SH3KBP1: variants seen among roughly 807,000 people sequenced by gnomAD.
SH3KBP1 encodes SH3 domain containing kinase binding protein 1.
Under a neutral mutation model 50.1 loss-of-function variants are expected in SH3KBP1, and 8 were observed. That is an observed-to-expected ratio of 0.16 (90% confidence interval 0.09 to 0.29). The LOEUF is 0.29. Ranked by LOEUF, SH3KBP1 falls within the 10% of genes least tolerant of loss-of-function variation. The pLI, the probability that SH3KBP1 is intolerant of heterozygous loss-of-function variation, is 1.00. For missense variants in SH3KBP1, 377 were observed against 535.2 expected (o/e 0.70, Z 2.92); for synonymous variants, 227 against 218.6 (o/e 1.04, Z -0.34).
chrX:19,799,662 G>C, intron 2 of SH3KBP1: 2 of 1,210,067 alleles, frequency 1.7e-6, no homozygotes, highest in Non-Finnish European at 2.2e-6. Context: ...GGCACTTGGG[G>C]CTTTGGCTGC....
chrX:19,776,738 G>A (rs905818865), intron 2 of SH3KBP1, among the ~76,000 whole-genome samples: 11 of 108,283 alleles, frequency 1.0e-4, no homozygotes, highest in Admixed American at 5.0e-4. Flanking sequence ...ATTTTTTGTA[G>A]AGACAAGGTC....
intron 1 of SH3KBP1, among the ~76,000 whole-genome samples, chrX:19,848,980 A>C (rs1489785754): frequency 9.1e-6 from 1 of 110,044 alleles, no homozygotes; most frequent in East Asian, 2.8e-4. Context: ...TTATTTTTTA[A>C]AGTTTTTGTT....
chrX:19,697,672 A>T (rs1382088056), intron 4 of SH3KBP1, among the ~76,000 whole-genome samples: 1 of 112,235 alleles, frequency 8.9e-6, no homozygotes, highest in Non-Finnish European at 1.9e-5. Flanking sequence ...TTGTTACACA[A>T]AGTTGAGCTC....
At chrX:19,763,464 T>C (rs1275132295) in intron 2 of SH3KBP1, among the ~76,000 whole-genome samples, 3 of 112,523 alleles carry the variant, frequency 2.7e-5, no homozygotes, top group African/African-American at 9.7e-5. Context: ...CTTACTCATG[T>C]CTTTTGTCAA....
At chrX:19,615,074 G>A (rs1421830286) in intron 8 of SH3KBP1, among the ~76,000 whole-genome samples, 1 of 112,114 alleles carries the variant, frequency 8.9e-6, no homozygotes, top group East Asian at 2.8e-4. Flanking sequence ...TCATCTATAT[G>A]ATCAGGCTTT....
chrX:19,571,525 C>T (rs1244468278), intron 12 of SH3KBP1, among the ~76,000 whole-genome samples: 4 of 112,110 alleles, frequency 3.6e-5, no homozygotes, highest in African/African-American at 1.3e-4. Context: ...TTGAAGGTAA[C>T]CTGAATGAAA....
At chrX:19,548,825 A>AGAGAGAGAG in intron 14 of SH3KBP1, among the ~76,000 whole-genome samples, 1 of 102,428 alleles carries the variant, frequency 9.8e-6, no homozygotes, top group African/African-American at 3.6e-5. Context: ...TATGGAAATA[A>AGAGAGAGAG]AGAGAGAGAG....
rs1358883952 is a variant in SH3KBP1, at chrX:19,611,485, C to T, written c.898-3440G>A. Among the ~76,000 whole-genome samples the T allele has an allele frequency of 1.7e-4, 19 of 111,916 alleles. 1 individual carries two copies. In the Admixed American group the frequency reaches 1.8e-3, roughly 11 times the overall value. On this transcript the variant is annotated intron_variant, in intron 8 of 17. Coordinates refer to ENST00000397821, the MANE Select transcript of SH3KBP1 (RefSeq NM_031892.3). Reference sequence around the variant, plus strand: ...TCTCCTGCCTCAGCCTCCCAAGTAGCTGGGATTACAGGCATGTACTGCCAC... The same window carrying T: ...TCTCCTGCCTCAGCCTCCCAAGTAGTTGGGATTACAGGCATGTACTGCCAC...
At chrX:19,656,631 C>A (rs2062284896) in intron 6 of SH3KBP1, among the ~76,000 whole-genome samples, 1 of 111,690 alleles carries the variant, frequency 9.0e-6, no homozygotes, top group South Asian at 3.8e-4. Flanking sequence ...GTTAGAGAGT[C>A]AGAGAGACAG....
intron 1 of SH3KBP1, among the ~76,000 whole-genome samples, chrX:19,870,589 G>A (rs761934391): frequency 1.7e-4 from 19 of 111,802 alleles, no homozygotes; most frequent in Non-Finnish European, 7.5e-5. Flanking sequence ...CACGTGATCC[G>A]CTGACCTTGT....
intron 13 of SH3KBP1, among the ~76,000 whole-genome samples, chrX:19,568,007 T>C (rs1018678960): frequency 9.0e-5 from 10 of 111,172 alleles, no homozygotes; most frequent in African/African-American, 2.6e-4. Flanking sequence ...AAGAGAAACA[T>C]TGCATGTTCT....
chrX:19,737,509 A>G (rs2064624258), intron 3 of SH3KBP1, among the ~76,000 whole-genome samples: 1 of 111,894 alleles, frequency 8.9e-6, no homozygotes, highest in African/African-American at 3.3e-5. Context: ...GGGAGAGAAG[A>G]AGGCTCTTCT....
At chrX:19,687,542 A>T (rs961892367) in intron 5 of SH3KBP1, 2 of 811,199 alleles carry the variant, frequency 2.5e-6, no homozygotes, top group African/African-American at 4.0e-5. Context: ...AGCTCAGGAA[A>T]GGGCAGCTGC....
In SH3KBP1 at chrX:19,549,967, CACTT is replaced by C; in HGVS notation, c.1494+3_1494+6del. 8.7e-7 allele frequency: 1 copy of C among 1,144,311 alleles called. No individual in the cohort carries two copies. Among genetic ancestry groups the C allele is most frequent in the Middle Eastern group, 2.4e-4 (1 of 4,128 alleles). 94.3% of individuals were successfully genotyped at this position (1,144,311 alleles called of 1,213,427 possible). Reference sequence around the variant, plus strand: ...TAAGGGAACATACAGTTTGAGGAGACACTTACAGATGTGAGGGACTGGGACGGAG... The same window carrying C: ...TAAGGGAACATACAGTTTGAGGAGACACAGATGTGAGGGACTGGGACGGAG... On this transcript the variant is annotated splice_donor_5th_base_variant and intron_variant, in intron 14 of 17. Coordinates refer to ENST00000397821, the MANE Select transcript of SH3KBP1 (RefSeq NM_031892.3).
intron 16 of SH3KBP1, among the ~76,000 whole-genome samples, chrX:19,539,570 C>T (rs1279147561): frequency 8.9e-6 from 1 of 111,991 alleles, no homozygotes; most frequent in Non-Finnish European, 1.9e-5. Flanking sequence ...TTGGGGAAAG[C>T]AGTCCAAAGA....
Position 19,795,932 on chromosome X carries a change from A to G in SH3KBP1, c.162+40193T>C, listed in dbSNP as rs907813260. Among the ~76,000 whole-genome samples, 3 of 111,870 alleles carry G rather than the reference A, an allele frequency of 2.7e-5. No individual in the cohort carries two copies. The Admixed American group carries it at 2.8e-4, about 11-fold the overall frequency. ...TAGCTTACACCATGTAAACCTCTAT[A>G]TAAACTAAGCATAGTTTACACCTCA... On this transcript the variant is annotated intron_variant, in intron 2 of 17. Coordinates refer to ENST00000397821, the MANE Select transcript of SH3KBP1 (RefSeq NM_031892.3).
In SH3KBP1 at chrX:19,838,899, AAAAAAAAG is replaced by A. The variant is rs1247182298; in HGVS notation, c.5-2625_5-2618del. On this transcript the variant is annotated intron_variant, in intron 1 of 17. Coordinates refer to ENST00000397821, the MANE Select transcript of SH3KBP1 (RefSeq NM_031892.3). Reference sequence around the variant, plus strand: ...GAAACTTTGTCTCAAAAAAAAAAAAAAAAAAAAGAAAAAAAGAAAAGGAAAAAAAGAAA... The same window carrying A: ...GAAACTTTGTCTCAAAAAAAAAAAAAAAAAAAAGAAAAGGAAAAAAAGAAA... Among the ~76,000 whole-genome samples the A allele has an allele frequency of 8.1e-3, 873 of 108,038 alleles. 6 individuals are homozygous for A. The highest frequency in any genetic ancestry group is 0.011 in the Non-Finnish European group (575 of 52,295). 93.8% of individuals were successfully genotyped at this position (108,038 alleles called of 115,157 possible).
At chrX:19,782,663 G>A (rs1373967235) in intron 2 of SH3KBP1, among the ~76,000 whole-genome samples, 1 of 112,073 alleles carries the variant, frequency 8.9e-6, no homozygotes, top group Non-Finnish European at 1.9e-5. Flanking sequence ...CACTTGAAAG[G>A]AGTACCTCTC....
At chrX:19,778,882 C>G (rs2066071153) in intron 2 of SH3KBP1, among the ~76,000 whole-genome samples, 1 of 110,249 alleles carries the variant, frequency 9.1e-6, no homozygotes, top group East Asian at 2.9e-4. Flanking sequence ...GCATTTTGTT[C>G]CTTTCTATTT....
Sources: allele counts gnomAD v4.1 joint callset (sites outside exome capture counted in the v4.1 genomes callset), GRCh38; gene constraint gnomAD v4.1.1; transcripts MANE v1.5; gene names NCBI Gene and HGNC (gene_info 2026-07-23, HGNC 2026-07-21).